CNMD: variants seen among roughly 807,000 people sequenced by gnomAD.
The protein encoded by CNMD is chondromodulin.
CNMD carries 30 observed loss-of-function variants against 37.5 expected under a neutral mutation model. The ratio of observed to expected loss-of-function variants is 0.80; its 90% CI spans 0.60 to 1.09. The LOEUF (loss-of-function observed/expected upper bound fraction) is 1.09, where lower values mean the gene tolerates loss of function less well. CNMD is among the 50% of genes least tolerant of loss of function. The pLI is 0.00. For synonymous variants in CNMD, 167 were observed against 148.2 expected (o/e 1.13, Z -0.92); for missense variants, 398 against 423.9 (o/e 0.94, Z 0.54).
chr13:52,727,241 C>T (rs1315794209), intron 3 of CNMD, among the ~76,000 whole-genome samples: 1 of 152,014 alleles, frequency 6.6e-6, no homozygotes, highest in Non-Finnish European at 1.5e-5. Flanking sequence ...CGCACTTCAG[C>T]CTGGGTGACA....
At chr13:52,719,604 A>G (rs1025455646) in intron 4 of CNMD, among the ~76,000 whole-genome samples, 1 of 152,226 alleles carries the variant, frequency 6.6e-6, no homozygotes, top group Non-Finnish European at 1.5e-5. Flanking sequence ...TTGGCTGGAT[A>G]TGAAATTCTG....
intron 3 of CNMD, among the ~76,000 whole-genome samples, chr13:52,725,469 C>T (rs1964556824): frequency 6.6e-6 from 1 of 151,954 alleles, no homozygotes; most frequent in Non-Finnish European, 1.5e-5. Context: ...ACAATATCTT[C>T]TCTTGGTCTG....
intron 6 of CNMD, among the ~76,000 whole-genome samples, chr13:52,707,980 T>C (rs989573950): frequency 2.0e-5 from 3 of 151,178 alleles, no homozygotes; most frequent in Admixed American, 1.3e-4. Flanking sequence ...CTGGGCATGG[T>C]GGTGGGCACC....
In CNMD at chr13:52,724,171, T is replaced by A. The variant is rs558885736; in HGVS notation, c.355-61A>T. The A allele has an allele frequency of 9.7e-4, 1,208 of 1,240,582 alleles. 2 individuals carry two copies. The highest frequency in any genetic ancestry group is 1.3e-3 in the Non-Finnish European group (1,084 of 845,504). The allele number at this position is 1,240,582 out of a possible 1,614,324, so 76.8% of individuals were successfully genotyped here. A position where few individuals can be genotyped will look rare whatever the true frequency, so the allele number is the denominator to read the frequency against. On this transcript the variant is annotated intron_variant, in intron 3 of 6. Transcript: ENST00000377962. ...TTGTTCATTTATTCGATTTATTGAGTGTCTACTGTGTTCCAGATGCTGTTC... is the reference window on the plus strand; with the variant it reads ...TTGTTCATTTATTCGATTTATTGAGAGTCTACTGTGTTCCAGATGCTGTTC...
chr13:52,707,666 AT>A (rs780478848), intron 6 of CNMD, among the ~76,000 whole-genome samples: 5 of 152,176 alleles, frequency 3.3e-5, no homozygotes, highest in Non-Finnish European at 5.9e-5. Flanking sequence ...AAATAATCAA[AT>A]TCCTGATATG....
At position 52,712,637 on chromosome 13, in the gene CNMD, C is replaced by T. The variant is rs1413241047; in HGVS notation, c.622+79G>A. 19 of 881,122 alleles carry T rather than the reference C, an allele frequency of 2.2e-5. No homozygotes were observed. The Admixed American group carries it at 5.3e-4, about 25-fold the overall frequency. The allele number at this position is 881,122 out of a possible 1,614,324, so 54.6% of individuals were successfully genotyped here. ...TATCCTCCTTGTTAACATGCTCAGGCCTGTGGAGGGGGTTGGAGGAACCTC... is the reference window on the plus strand; with the variant it reads ...TATCCTCCTTGTTAACATGCTCAGGTCTGTGGAGGGGGTTGGAGGAACCTC... On this transcript the variant is annotated intron_variant, in intron 5 of 6. Coordinates refer to ENST00000377962, the MANE Select transcript of CNMD (RefSeq NM_007015.3).
rs570919228 is a variant in CNMD at position 52,708,388 on chromosome 13, G to A, written c.789+148C>T. On this transcript the variant is annotated intron_variant, in intron 6 of 6. Transcript: ENST00000377962. ...AGTAGAGACAGGGTTTCACCATGTT[G>A]GCCAGGCTGGCCTCGAACTCCTGAC... The A allele has an allele frequency of 9.1e-4, 501 of 550,302 alleles. 1 individual carries two copies. The highest frequency in any genetic ancestry group is 1.3e-3 in the Non-Finnish European group (431 of 330,222). The allele number at this position is 550,302 out of a possible 1,614,324, so 34.1% of individuals were successfully genotyped here.
chr13:52,705,102 T>TG (rs1964153242), intron 6 of CNMD, among the ~76,000 whole-genome samples: 1 of 151,998 alleles, frequency 6.6e-6, no homozygotes, highest in Non-Finnish European at 1.5e-5. Flanking sequence ...TAGAGAAAAT[T>TG]ATAGATTGAA....
At chr13:52,704,308 A>C (rs1484441690) in intron 6 of CNMD, among the ~76,000 whole-genome samples, 1 of 152,196 alleles carries the variant, frequency 6.6e-6, no homozygotes, top group East Asian at 1.9e-4. Flanking sequence ...TGGCTCTGAG[A>C]ACACTGTCAA....
At chr13:52,738,562 CA>C (rs1964814886) in intron 2 of CNMD, among the ~76,000 whole-genome samples, 1 of 152,144 alleles carries the variant, frequency 6.6e-6, no homozygotes, top group African/African-American at 2.4e-5. Context: ...TTCTGAAAGG[CA>C]AAAATTCCTT....
At chr13:52,731,995 A>G (rs1201158558) in intron 3 of CNMD, among the ~76,000 whole-genome samples, 3 of 152,258 alleles carry the variant, frequency 2.0e-5, no homozygotes, top group Non-Finnish European at 1.5e-5. Flanking sequence ...GGCTGTCCCC[A>G]GGGCAGAGAC....
intron 5 of CNMD, 80 bp from the exon 6 acceptor site, chr13:52,708,782 TAAGAA>T (rs1023854206): frequency 5.0e-5 from 60 of 1,202,466 alleles, no homozygotes; most frequent in African/African-American, 1.1e-4. Context: ...GTGAAAAACA[TAAGAA>T]AAGGATATCA....
chr13:52,736,255 A>G (rs1964761870), intron 2 of CNMD, among the ~76,000 whole-genome samples: 1 of 152,134 alleles, frequency 6.6e-6, no homozygotes, highest in Non-Finnish European at 1.5e-5. Flanking sequence ...CGGCCTCCCG[A>G]AGTGCTGGGA....
Position 52,739,190 on chromosome 13 carries a change from G to A in CNMD, c.73-19C>T. The A allele has an allele frequency of 2.1e-6, 3 of 1,461,186 alleles. No homozygotes were observed. Among genetic ancestry groups the A allele is most frequent in the East Asian group, 2.7e-5 (1 of 36,826 alleles). The allele number at this position is 1,461,186 out of a possible 1,614,324, so 90.5% of individuals were successfully genotyped here. A position where few individuals can be genotyped will look rare whatever the true frequency, so the allele number is the denominator to read the frequency against. ...CGTACGCCTGCGGGCCGGGGCGGGA[G>A]AGGGACCGTCGCGTTTGTGCCGCCA... On this transcript the variant is annotated intron_variant, in intron 1 of 6. Coordinates refer to ENST00000377962, the MANE Select transcript of CNMD (RefSeq NM_007015.3). The surrounding 1 kb of genome is among the most constrained non-coding windows in gnomAD (Gnocchi z 5.4).
intron 3 of CNMD, among the ~76,000 whole-genome samples, chr13:52,732,527 G>T (rs925287349): frequency 6.6e-6 from 1 of 152,162 alleles, no homozygotes. Flanking sequence ...ATATGCTATG[G>T]TAACATGCTA....
In CNMD at chr13:52,721,082, C is replaced by CG. The variant is rs567191782; in HGVS notation, c.468+2914dup. 5.3e-5 allele frequency among the ~76,000 whole-genome samples: 8 copies of CG among 152,268 alleles called. No homozygotes were observed. The East Asian group carries it at 1.2e-3, about 22-fold the overall frequency. On this transcript the variant is annotated intron_variant, in intron 4 of 6. Transcript: ENST00000377962. ...GCTCCACCCAGTTCGGACTTCCTGG[C>CG]GGCTTTGTTTACACTGTGAGAGGAA...
At chr13:52,734,129 A>T (rs1964719322) in intron 2 of CNMD, among the ~76,000 whole-genome samples, 2 of 152,238 alleles carry the variant, frequency 1.3e-5, no homozygotes, top group Admixed American at 1.3e-4. Context: ...GCACTGCAGA[A>T]GAGCATCGGT....
In CNMD at chr13:52,739,259, C is replaced by G; in HGVS notation, c.73-88G>C. 7.2e-7 allele frequency: 1 copy of G among 1,381,886 alleles called. No homozygotes were observed. Among genetic ancestry groups the G allele is most frequent in the Non-Finnish European group, 9.4e-7 (1 of 1,061,442 alleles). The allele number at this position is 1,381,886 out of a possible 1,614,324, so 85.6% of individuals were successfully genotyped here. ...GCACCCGGGCCCCACGCGGTAGCCCCCAGGGAGTGGGGAGTCGGGCGGGAA... is the reference window on the plus strand; with the variant it reads ...GCACCCGGGCCCCACGCGGTAGCCCGCAGGGAGTGGGGAGTCGGGCGGGAA... On this transcript the variant is annotated intron_variant, in intron 1 of 6. Coordinates refer to ENST00000377962, the MANE Select transcript of CNMD (RefSeq NM_007015.3). This position sits in a 1 kb window ranked among gnomAD's most constrained non-coding sequence, Gnocchi z 5.4.
At chr13:52,729,580 T>C (rs1391555040) in intron 3 of CNMD, among the ~76,000 whole-genome samples, 1 of 152,236 alleles carries the variant, frequency 6.6e-6, no homozygotes. Flanking sequence ...GCTACTACTA[T>C]AAGTGTTTGA....
Sources: gnomAD v4.1 joint callset for allele counts (sites outside exome capture counted in the v4.1 genomes callset) on GRCh38, gnomAD v4.1.1 for gene constraint, Gnocchi (gnomAD v3.1) non-coding constraint, MANE v1.5 for transcripts, NCBI Gene and HGNC (gene_info 2026-07-23, HGNC 2026-07-21) for gene names.